Variants in DENND1A observed in about 807,000 individuals in gnomAD.
The protein encoded by DENND1A is DENN domain-containing protein 1A.
A neutral mutation model predicts 113.7 loss-of-function variants in DENND1A; 51 were observed. That is an observed-to-expected ratio of 0.45 (90% CI 0.36 to 0.57). The LOEUF (loss-of-function observed/expected upper bound fraction) is 0.57, where lower values mean the gene tolerates loss of function less well. Ranked by LOEUF, DENND1A falls within the 20% of genes least tolerant of loss-of-function variation. The pLI, the probability that DENND1A is intolerant of heterozygous loss-of-function variation, is 0.00. For synonymous variants in DENND1A, 565 were observed against 570.8 expected (o/e 0.99, Z 0.14); for missense variants, 1,258 against 1,395.9 (o/e 0.90, Z 1.57).
At chr9:123,564,754 T>G (rs900019815) in intron 12 of DENND1A, among the ~76,000 whole-genome samples, 1 of 152,172 alleles carries the variant, frequency 6.6e-6, no homozygotes, top group African/African-American at 2.4e-5. Flanking sequence ...CCATTTAAAT[T>G]TAAATAGCCA....
chr9:123,402,079 C>T (rs990314747), intron 21 of DENND1A, among the ~76,000 whole-genome samples: 1 of 152,248 alleles, frequency 6.6e-6, no homozygotes, highest in Non-Finnish European at 1.5e-5. Context: ...CCGAGGCACT[C>T]AGGTGCCATG....
intron 1 of DENND1A, among the ~76,000 whole-genome samples, chr9:123,893,467 T>C (rs190924138): frequency 2.8e-4 from 43 of 152,344 alleles, no homozygotes; most frequent in African/African-American, 1.0e-3. Flanking sequence ...ACCAGACTTA[T>C]CAGCTTCATC....
chr9:123,811,052 C>T (rs1836512227), intron 2 of DENND1A, among the ~76,000 whole-genome samples: 1 of 152,194 alleles, frequency 6.6e-6, no homozygotes, highest in Non-Finnish European at 1.5e-5. Flanking sequence ...AGCCACCACG[C>T]CCGGCCAAAT....
intron 18 of DENND1A, among the ~76,000 whole-genome samples, chr9:123,450,183 T>C (rs1411344417): frequency 6.6e-6 from 1 of 152,092 alleles, no homozygotes; most frequent in African/African-American, 2.4e-5. Context: ...CAGCGCCCAC[T>C]GGGTTCTGCT....
chr9:123,903,461 C>T (rs535881344), intron 1 of DENND1A, among the ~76,000 whole-genome samples: 19 of 151,956 alleles, frequency 1.3e-4, no homozygotes, highest in East Asian at 9.7e-4. Flanking sequence ...TCTGAGGTAC[C>T]GGGTTGATCT....
intron 5 of DENND1A, among the ~76,000 whole-genome samples, chr9:123,722,303 A>C (rs945791648): frequency 6.6e-6 from 1 of 152,382 alleles, no homozygotes; most frequent in African/African-American, 2.4e-5. Flanking sequence ...AAAGGCATTC[A>C]GTTTTAAAAG....
intron 5 of DENND1A, among the ~76,000 whole-genome samples, chr9:123,725,767 C>A (rs982268152): frequency 4.6e-5 from 7 of 152,212 alleles, no homozygotes; most frequent in African/African-American, 1.7e-4. Flanking sequence ...TAAACAACTT[C>A]TTGTGCTTTC....
rs2042300607 is a variant in DENND1A at position 123,382,027 on chromosome 9, G to A, written c.2618C>T (p.Thr873Ile). 13 of 1,482,080 alleles carry A rather than the reference G, an allele frequency of 8.8e-6. No individual in the cohort carries two copies. The highest frequency in any genetic ancestry group is 1.4e-5 in the African/African-American group (1 of 70,208). The allele number at this position is 1,482,080 out of a possible 1,614,324, so 91.8% of individuals were successfully genotyped here. ...TGCAGGGGGGAAGCTGAATTGGGGG[G>A]TGAATGGGGTGGCTACATTCGGGGT... ...PATPNVATPFTPQFSFPPAGT... is the reference protein window; with the variant it reads ...PATPNVATPFIPQFSFPPAGT... The change falls in exon 24 of 24, where the codon ACC becomes ATC. Residue 873 changes from threonine to isoleucine, a missense_variant. Physicochemically the swap from Thr to Ile is moderately conservative, Grantham distance 89. Around this residue, in one of 2 missense-constraint regions of DENND1A, gnomAD observed 1,159 missense variants for 1,231.7 expected, o/e 0.94. Transcript: ENST00000394215.
At position 123,667,086 on chromosome 9, in the gene DENND1A, A is replaced by G. The variant is rs775287795; in HGVS notation, c.454-7T>C. ...GCACAGTAAAATAAGAATGCTAGAA[A>G]AGAAAAGCAAAAGTGATTTATTTCT... On this transcript the variant is annotated splice_region_variant and splice_polypyrimidine_tract_variant and intron_variant, in intron 7 of 23. Transcript: ENST00000394215. The G allele has an allele frequency of 1.6e-5, 26 of 1,597,664 alleles. No homozygotes were observed. The highest frequency in any genetic ancestry group is 8.5e-7 in the Non-Finnish European group (1 of 1,174,954).
chr9:123,732,018 C>T (rs576760087), intron 5 of DENND1A, among the ~76,000 whole-genome samples: 27 of 152,292 alleles, frequency 1.8e-4, no homozygotes, highest in African/African-American at 6.3e-4. Flanking sequence ...ACAATAGCTC[C>T]TACTACACAC....
At chr9:123,699,688 CTTTT>C (rs34215948) in intron 5 of DENND1A, among the ~76,000 whole-genome samples, 8 of 112,414 alleles carry the variant, frequency 7.1e-5, no homozygotes, top group Non-Finnish European at 1.0e-4. Flanking sequence ...TTCTTTCTTT[CTTTT>C]TTTTTTTTTT....
chr9:123,630,432 C>T lies in DENND1A; in HGVS notation c.663G>A (p.Met221Ile). 1 of 1,605,230 alleles carries T rather than the reference C, an allele frequency of 6.2e-7. No individual in the cohort carries two copies. The highest frequency in any genetic ancestry group is 8.5e-7 in the Non-Finnish European group (1 of 1,175,372). Residue 221 changes from methionine to isoleucine, a missense_variant, in exon 10 of 24, where the codon ATG (methionine) becomes ATA (isoleucine). Physicochemically the swap from Met to Ile is conservative, Grantham distance 10. Coordinates refer to ENST00000394215, the MANE Select transcript of DENND1A (RefSeq NM_001352964.2). ...CGGGGATGTACACGTGCTGCCAGTACATGGGGTAGAGCATCGCCGCAGACC... is the reference window on the plus strand; with the variant it reads ...CGGGGATGTACACGTGCTGCCAGTATATGGGGTAGAGCATCGCCGCAGACC... Reference protein sequence around the residue: ...IHGSAAMLYPMYWQHVYIPVL... With the variant: ...IHGSAAMLYPIYWQHVYIPVL...
At chr9:123,470,597 T>C (rs2049330117) in intron 13 of DENND1A, among the ~76,000 whole-genome samples, 2 of 152,154 alleles carry the variant, frequency 1.3e-5, no homozygotes, top group South Asian at 4.1e-4. Flanking sequence ...AGAACCCATG[T>C]AGCTGCAGCA....
intron 19 of DENND1A, among the ~76,000 whole-genome samples, chr9:123,431,860 T>C (rs114636856): frequency 2.8e-3 from 421 of 152,252 alleles, no homozygotes; most frequent in African/African-American, 9.6e-3. Flanking sequence ...ATTGACCTTA[T>C]AGTGCTCAAG....
intron 9 of DENND1A, among the ~76,000 whole-genome samples, chr9:123,632,904 T>C (rs1458395846): frequency 2.0e-5 from 3 of 151,280 alleles, no homozygotes; most frequent in African/African-American, 7.3e-5. Context: ...ATTATAATAA[T>C]AATAATATTA....
intron 13 of DENND1A, among the ~76,000 whole-genome samples, chr9:123,547,406 G>A (rs1310390930): frequency 6.6e-6 from 1 of 152,192 alleles, no homozygotes; most frequent in Admixed American, 6.5e-5. Context: ...GCGCATGCCT[G>A]TAATCTCAGC....
intron 13 of DENND1A, among the ~76,000 whole-genome samples, chr9:123,516,046 C>A (rs1448096564): frequency 6.6e-6 from 1 of 151,454 alleles, no homozygotes; most frequent in Non-Finnish European, 1.5e-5. Flanking sequence ...TGCACTCCAG[C>A]CTGGCAGACA....
intron 3 of DENND1A, among the ~76,000 whole-genome samples, chr9:123,786,355 A>G (rs1401702280): frequency 6.6e-6 from 1 of 152,212 alleles, no homozygotes; most frequent in Non-Finnish European, 1.5e-5. Flanking sequence ...AGAGAACAAG[A>G]AATTGCAGGA....
intron 4 of DENND1A, among the ~76,000 whole-genome samples, chr9:123,760,093 A>G (rs1453660033): frequency 6.6e-6 from 1 of 152,228 alleles, no homozygotes; most frequent in Non-Finnish European, 1.5e-5. Flanking sequence ...GAGTTATTCA[A>G]AGGAACTCAT....
Sources: allele counts gnomAD v4.1 joint callset (sites outside exome capture counted in the v4.1 genomes callset), GRCh38; gene constraint gnomAD v4.1.1; regional missense constraint gnomAD v4.1.1; transcripts MANE v1.5; gene names NCBI Gene and HGNC (gene_info 2026-07-23, HGNC 2026-07-21).